The following OR2L13 variants were observed in gnomAD, a reference collection of about 807,000 sequenced individuals.
OR2L13 encodes the protein olfactory receptor 2L13.
A neutral mutation model predicts 15.3 loss-of-function variants in OR2L13; 14 were observed. The ratio of observed to expected loss-of-function variants is 0.91; its 90% confidence interval spans 0.60 to 1.43. OR2L13 has a LOEUF of 1.43. Among genes scored for constraint, OR2L13 ranks in the 40% most tolerant of loss-of-function variants. The probability of loss-of-function intolerance (pLI) is 0.00; values close to 1 mark genes in which losing one functional copy is unlikely to be tolerated. For missense variants in OR2L13, 367 were observed against 387.9 expected (o/e 0.95, Z 0.45); for synonymous variants, 152 against 142.9 (o/e 1.06, Z -0.45).
chr1:247,998,368 A>T, the OR2L13 span, among the ~76,000 whole-genome samples: 1 of 152,116 alleles, frequency 6.6e-6, no homozygotes, highest in Non-Finnish European at 1.5e-5. Context: ...GATCCAGTGA[A>T]ATTAACCCAC....
chr1:248,022,600 G>T, the OR2L13 span: 44 of 1,614,136 alleles, frequency 2.7e-5, no homozygotes, highest in East Asian at 8.9e-4. Context: ...TGTTCCTATG[G>T]CTGGGTTCTC....
upstream of OR2L13, among the ~76,000 whole-genome samples, chr1:248,095,607 C>CTTTTTTTTT (rs780686820): frequency 0.039 from 1,459 of 37,266 alleles, 609 homozygotes; most frequent in Middle Eastern, 0.2. Flanking sequence ...AAAGCTGCTG[C>CTTTTTTTTT]TTTTTTTTTT....
the OR2L13 span, among the ~76,000 whole-genome samples, chr1:248,069,290 T>A: frequency 6.2e-3 from 940 of 152,250 alleles, 15 homozygotes; most frequent in African/African-American, 0.022. Flanking sequence ...CAGAAACTCT[T>A]CAAGCCAGAA....
the OR2L13 span, among the ~76,000 whole-genome samples, chr1:248,031,717 A>G: frequency 3.3e-3 from 498 of 152,300 alleles, 1 homozygote; most frequent in African/African-American, 0.012. Context: ...CACAAAGTCA[A>G]ATAAGCTTGC....
At chr1:247,976,171 A>G in the OR2L13 span, among the ~76,000 whole-genome samples, 1 of 152,154 alleles carries the variant, frequency 6.6e-6, no homozygotes, top group Admixed American at 6.6e-5. Context: ...GAAAAACAAG[A>G]GTTTCTTTAC....
the OR2L13 span, among the ~76,000 whole-genome samples, chr1:248,089,609 A>G: frequency 6.6e-6 from 1 of 152,224 alleles, no homozygotes; most frequent in Non-Finnish European, 1.5e-5. Context: ...GCCTAATGCA[A>G]TAGCCAAGGA....
the OR2L13 span, among the ~76,000 whole-genome samples, chr1:248,015,531 C>A: frequency 6.6e-6 from 1 of 152,122 alleles, no homozygotes; most frequent in African/African-American, 2.4e-5. Context: ...GTGAAACTGA[C>A]CCTGTCACCT....
chr1:247,987,804 C>T, the OR2L13 span, among the ~76,000 whole-genome samples: 1 of 152,036 alleles, frequency 6.6e-6, no homozygotes, highest in African/African-American at 2.4e-5. Context: ...ACTCATTACC[C>T]TTCTCCCACT....
the OR2L13 span, among the ~76,000 whole-genome samples, chr1:247,943,248 G>A: frequency 6.6e-6 from 1 of 152,080 alleles, no homozygotes; most frequent in African/African-American, 2.4e-5. Flanking sequence ...CATAAAGATG[G>A]GAATAGTAGA....
chr1:247,956,297 G>T, the OR2L13 span, among the ~76,000 whole-genome samples: 1 of 151,886 alleles, frequency 6.6e-6, no homozygotes, highest in Non-Finnish European at 1.5e-5. Context: ...TGTTCCATTG[G>T]TCTATATCTC....
chr1:247,959,255 A>G, the OR2L13 span, among the ~76,000 whole-genome samples: 2 of 152,122 alleles, frequency 1.3e-5, no homozygotes, highest in South Asian at 2.1e-4. Flanking sequence ...TTCTTTAAGA[A>G]TGTTGAATAT....
At chr1:248,023,099 T>G in the OR2L13 span, 1 of 437,734 alleles carries the variant, frequency 2.3e-6, no homozygotes, top group Non-Finnish European at 4.0e-6. Context: ...ACAGATCATA[T>G]ATTTTACACT....
chr1:248,068,905 G>C, the OR2L13 span, among the ~76,000 whole-genome samples: 1 of 152,144 alleles, frequency 6.6e-6, no homozygotes, highest in Non-Finnish European at 1.5e-5. Flanking sequence ...GAAATGAAGT[G>C]AGAAGGGAAG....
At chr1:247,946,250 C>CAT in the OR2L13 span, among the ~76,000 whole-genome samples, 3,518 of 152,252 alleles carry the variant, frequency 0.023, 56 homozygotes, top group East Asian at 0.036. Context: ...AAGTTTTCTA[C>CAT]ATATATAATT....
At chr1:247,999,210 A>G in the OR2L13 span, among the ~76,000 whole-genome samples, 1 of 152,148 alleles carries the variant, frequency 6.6e-6, no homozygotes, top group Admixed American at 6.5e-5. Context: ...ATAGAATTTG[A>G]TTTAATTTTA....
the OR2L13 span, among the ~76,000 whole-genome samples, chr1:248,070,569 G>T: frequency 6.6e-6 from 1 of 152,082 alleles, no homozygotes; most frequent in East Asian, 1.9e-4. Flanking sequence ...AAAAAAACTA[G>T]AGAAGCAAGA....
the OR2L13 span, among the ~76,000 whole-genome samples, chr1:248,030,656 C>T: frequency 1.3e-5 from 2 of 152,060 alleles, no homozygotes; most frequent in Non-Finnish European, 2.9e-5. Context: ...GTACGATGCT[C>T]ATTATAATCT....
the OR2L13 span, among the ~76,000 whole-genome samples, chr1:247,987,684 A>T: frequency 6.6e-6 from 1 of 152,228 alleles, no homozygotes; most frequent in Middle Eastern, 3.4e-3. Context: ...TTTTCAAACA[A>T]TATGCTTATC....
At chr1:248,044,417 G>T in the OR2L13 span, among the ~76,000 whole-genome samples, 131 of 152,132 alleles carry the variant, frequency 8.6e-4, no homozygotes, top group Admixed American at 1.6e-3. Flanking sequence ...AGGATGCAGC[G>T]TCTTCATCTC....
Sources: allele counts gnomAD v4.1 joint callset (sites outside exome capture counted in the v4.1 genomes callset), GRCh38; gene constraint gnomAD v4.1.1; transcripts MANE v1.5; gene names NCBI Gene and HGNC (gene_info 2026-07-23, HGNC 2026-07-21).